The following FYB2 variants were observed in gnomAD, a reference collection of about 807,000 sequenced individuals.
FYB2 encodes FYN binding protein 2, also known as FYN-binding protein 2.
FYB2 carries 103 observed loss-of-function variants against 94.1 expected under a neutral mutation model. The observed-to-expected ratio is 1.09, with a 90% confidence interval of 0.93 to 1.29. FYB2 has a LOEUF of 1.29. Among genes scored for constraint, FYB2 ranks in the 50% most tolerant of loss-of-function variants. The probability of loss-of-function intolerance (pLI) is 0.00; values close to 1 mark genes in which losing one functional copy is unlikely to be tolerated. For synonymous variants in FYB2, 293 were observed against 287.9 expected, an observed-to-expected ratio of 1.02 and a Z score of -0.18; for missense variants, 896 against 841.5, an observed-to-expected ratio of 1.06 and a Z score of -0.80.
At chr1:56,777,592 G>A (rs1328654858) in intron 4 of FYB2, among the ~76,000 whole-genome samples, 1 of 152,122 alleles carries the variant, frequency 6.6e-6, no homozygotes, top group Non-Finnish European at 1.5e-5. Context: ...GCCGAGTGCT[G>A]TCTAAGTCCA....
chr1:56,755,959 T>A (rs1477379726), intron 6 of FYB2, 32 bp from the exon 7 acceptor site: 7 of 1,591,222 alleles, frequency 4.4e-6, no homozygotes, highest in Non-Finnish European at 5.2e-6. Context: ...GTTATTTTCA[T>A]AAATCAACCT....
chr1:56,734,180 T>C (rs1391707313), intron 15 of FYB2, among the ~76,000 whole-genome samples: 2 of 152,198 alleles, frequency 1.3e-5, no homozygotes, highest in Non-Finnish European at 2.9e-5. Context: ...GCCTTCTTTG[T>C]GTCTTTTGAT....
rs1360090902 is a variant in FYB2, at chr1:56,744,179, T to C, written c.1475A>G (p.Asp492Gly). Residue 492 changes from aspartate (D) to glycine (G), a missense_variant, in exon 10 of 20, where the codon GAT becomes GGT. Physicochemically the swap from Asp to Gly is moderately conservative, Grantham distance 94. Coordinates refer to ENST00000343433, the MANE Select transcript of FYB2 (RefSeq NM_001004303.5). ...KTSSISEEIY[D>G]DVEYSRKEVP... ...CTCTTTCCTGGAGTACTCGACATCA[T>C]CATATATCTCCTCCGAGATGGAACT... 5 of 1,612,664 alleles carry C rather than the reference T, an allele frequency of 3.1e-6. No homozygotes were observed. Among genetic ancestry groups the C allele is most frequent in the Non-Finnish European group, 4.2e-6 (5 of 1,179,242 alleles).
At chr1:56,782,433 C>T (rs1436510786) in intron 4 of FYB2, among the ~76,000 whole-genome samples, 3 of 152,188 alleles carry the variant, frequency 2.0e-5, no homozygotes, top group Non-Finnish European at 1.5e-5. Flanking sequence ...GATAAGGCAT[C>T]TATTCCTCAC....
Position 56,787,218 on chromosome 1 carries a change from A to T in FYB2, c.920-10T>A. 2 of 1,613,858 alleles carry T rather than the reference A, an allele frequency of 1.2e-6. No homozygotes were observed. The highest frequency in any genetic ancestry group is 1.7e-6 in the Non-Finnish European group (2 of 1,179,828). Reference sequence around the variant, plus strand: ...CCCTCTTCCACAGTCACTGCAAGAGAAAGAGGCGGAATGAAAAAGAGGCAT... The same window carrying T: ...CCCTCTTCCACAGTCACTGCAAGAGTAAGAGGCGGAATGAAAAAGAGGCAT... On this transcript the variant is annotated splice_polypyrimidine_tract_variant and intron_variant, in intron 3 of 19. Transcript: ENST00000343433.
intron 15 of FYB2, 68 bp from the exon 16 acceptor site, chr1:56,726,651 T>C: frequency 8.0e-7 from 1 of 1,256,334 alleles, no homozygotes; most frequent in Non-Finnish European, 1.1e-6. Context: ...CCATCAACAC[T>C]TCATGGGCAA....
intron 1 of FYB2, among the ~76,000 whole-genome samples, chr1:56,796,485 T>C (rs1646400654): frequency 6.6e-6 from 1 of 152,226 alleles, no homozygotes; most frequent in Non-Finnish European, 1.5e-5. Flanking sequence ...GACTTCTTGA[T>C]GGACTCTCTG....
At chr1:56,807,718 C>T (rs184046679) in intron 1 of FYB2, among the ~76,000 whole-genome samples, 19 of 152,236 alleles carry the variant, frequency 1.2e-4, no homozygotes, top group Admixed American at 5.2e-4. Flanking sequence ...TTGGAATTCC[C>T]GTTTTATAGA....
intron 2 of FYB2, among the ~76,000 whole-genome samples, chr1:56,791,255 C>T (rs966705954): frequency 2.2e-5 from 3 of 137,674 alleles, no homozygotes; most frequent in Admixed American, 1.5e-4. Flanking sequence ...AACTACAGTC[C>T]TTATCTTTTT....
intron 6 of FYB2, among the ~76,000 whole-genome samples, chr1:56,756,937 G>A (rs1297768722): frequency 1.3e-5 from 2 of 152,026 alleles, no homozygotes; most frequent in African/African-American, 2.4e-5. Flanking sequence ...GGTGTGAAGG[G>A]AACTAGTTCT....
chr1:56,750,134 G>A (rs1645161632), intron 9 of FYB2, among the ~76,000 whole-genome samples: 1 of 151,774 alleles, frequency 6.6e-6, no homozygotes, highest in African/African-American at 2.4e-5. Flanking sequence ...GCGTGCCATG[G>A]GAGATAACAC....
At chr1:56,785,005 G>C (rs536705724) in intron 4 of FYB2, among the ~76,000 whole-genome samples, 33 of 152,170 alleles carry the variant, frequency 2.2e-4, no homozygotes, top group Admixed American at 5.2e-4. Context: ...CTCTTTCAGC[G>C]CTATGGCCCA....
intron 1 of FYB2, among the ~76,000 whole-genome samples, chr1:56,813,093 A>G (rs890287175): frequency 2.6e-5 from 4 of 152,186 alleles, no homozygotes; most frequent in African/African-American, 9.7e-5. Flanking sequence ...TCTTCCCTGT[A>G]TCTTCACATT....
At chr1:56,774,599 C>T (rs984397523) in intron 4 of FYB2, among the ~76,000 whole-genome samples, 8 of 151,950 alleles carry the variant, frequency 5.3e-5, no homozygotes, top group Non-Finnish European at 7.4e-5. Context: ...CATAAATATA[C>T]GTACATGTAT....
At chr1:56,778,449 T>C (rs1645933083) in intron 4 of FYB2, among the ~76,000 whole-genome samples, 1 of 152,204 alleles carries the variant, frequency 6.6e-6, no homozygotes, top group Admixed American at 6.6e-5. Flanking sequence ...AGTTAGCAAC[T>C]GGTTTTTTGT....
rs971400848 is a variant in FYB2, at chr1:56,779,739, G to C, written c.953+7436C>G. Among the ~76,000 whole-genome samples, 5 of 152,122 alleles carry C rather than the reference G, an allele frequency of 3.3e-5. No individual in the cohort carries two copies. In the East Asian group the frequency reaches 9.7e-4, roughly 29 times the overall value. On this transcript the variant is annotated intron_variant, in intron 4 of 19. Coordinates refer to ENST00000343433, the MANE Select transcript of FYB2 (RefSeq NM_001004303.5). ...TTGCTTTCATGCCCACTGTTTACTA[G>C]GTCTTGTAAAAATAAAGGTGAAAAA...
chr1:56,779,014 T>A (rs1570119081), intron 4 of FYB2, among the ~76,000 whole-genome samples: 1 of 152,168 alleles, frequency 6.6e-6, no homozygotes, highest in South Asian at 2.1e-4. Flanking sequence ...CAAGAAAATA[T>A]AAGTACTTCT....
At chr1:56,775,111 A>C (rs1645845613) in intron 4 of FYB2, among the ~76,000 whole-genome samples, 1 of 152,062 alleles carries the variant, frequency 6.6e-6, no homozygotes. Flanking sequence ...TGATCATGTG[A>C]GTCAATACTC....
chr1:56,762,499 T>C (rs1251258842), intron 5 of FYB2, among the ~76,000 whole-genome samples: 2 of 152,216 alleles, frequency 1.3e-5, no homozygotes, highest in East Asian at 3.8e-4. Flanking sequence ...TTATAAATGA[T>C]ATATTTTTCA....
Sources: allele counts gnomAD v4.1 joint callset (sites outside exome capture counted in the v4.1 genomes callset), GRCh38; gene constraint gnomAD v4.1.1; transcripts MANE v1.5; gene names NCBI Gene and HGNC (gene_info 2026-07-23, HGNC 2026-07-21).